NCOA7: variants seen among roughly 807,000 people sequenced by gnomAD.
NCOA7 encodes the protein 140 kDa estrogen receptor-associated protein.
In NCOA7, 45 loss-of-function variants were observed where a neutral mutation model predicts 104.3. The ratio of observed to expected loss-of-function variants is 0.43; its 90% confidence interval spans 0.34 to 0.55. NCOA7 has a LOEUF of 0.55. Ranked by LOEUF, NCOA7 falls within the 20% of genes least tolerant of loss-of-function variation. NCOA7 has a pLI of 0.02. For synonymous variants in NCOA7, 398 were observed against 402.3 expected, an observed-to-expected ratio of 0.99 and a Z score of 0.13; for missense variants, 1,041 against 1,119.7, an observed-to-expected ratio of 0.93 and a Z score of 1.00.
At chr6:125,866,598 G>A (rs895128113) in intron 3 of NCOA7, among the ~76,000 whole-genome samples, 3 of 152,140 alleles carry the variant, frequency 2.0e-5, no homozygotes, top group African/African-American at 7.2e-5. Flanking sequence ...CTGTCTTTAA[G>A]TTACTTCCCC....
intron 2 of NCOA7, chr6:125,818,730 C>G (rs1303138084): frequency 6.6e-6 from 1 of 152,180 alleles, no homozygotes; most frequent in African/African-American, 2.4e-5. Context: ...CAGAAAAGAG[C>G]CATCCAAAGT....
At chr6:125,914,660 A>G (rs910564280) in intron 10 of NCOA7, among the ~76,000 whole-genome samples, 7 of 152,160 alleles carry the variant, frequency 4.6e-5, no homozygotes, top group African/African-American at 1.7e-4. Context: ...CTTGGAGGAT[A>G]TTTCAGGAGC....
At chr6:125,924,500 C>A (rs1383724318) in intron 13 of NCOA7, among the ~76,000 whole-genome samples, 1 of 152,160 alleles carries the variant, frequency 6.6e-6, no homozygotes. Context: ...TAGAACAACA[C>A]CTGCAAATGT....
intron 1 of NCOA7, among the ~76,000 whole-genome samples, chr6:125,806,841 G>A (rs569089924): frequency 8.5e-5 from 13 of 152,296 alleles, no homozygotes; most frequent in Admixed American, 4.6e-4. Flanking sequence ...GCATCATGAT[G>A]ATTTTATAAA....
intron 10 of NCOA7, 106 bp downstream of exon 10, chr6:125,890,916 A>G: frequency 2.7e-6 from 3 of 1,097,736 alleles, no homozygotes; most frequent in Non-Finnish European, 3.7e-6. Context: ...TAAGAGCTTT[A>G]TCTGAATTGT....
In NCOA7 at chr6:125,855,209, G is replaced by T; in HGVS notation, c.240G>T (p.Arg80Ser). The change falls in exon 3 of 16, where the codon AGG (arginine) becomes AGT (serine). Residue 80 changes from arginine (R) to serine (S), a missense_variant. By Grantham distance (110) the Arg-to-Ser change is moderately radical. Coordinates refer to ENST00000392477, the MANE Select transcript of NCOA7 (RefSeq NM_181782.5). ...AAAGTAATCAGTTAAAGGAGATCAG[G>T]CGTACAGAACTAAAGAGATATTATA... ...KRKSNQLKEIRRTELKRYYSI... is the reference protein window; with the variant it reads ...KRKSNQLKEISRTELKRYYSI... The T allele has an allele frequency of 6.2e-7, 1 of 1,612,012 alleles. No individual in the cohort carries two copies. Among genetic ancestry groups the T allele is most frequent in the Non-Finnish European group, 8.5e-7 (1 of 1,179,526 alleles).
At chr6:125,843,625 A>C (rs1165725918) in intron 2 of NCOA7, among the ~76,000 whole-genome samples, 1 of 152,230 alleles carries the variant, frequency 6.6e-6, no homozygotes, top group Non-Finnish European at 1.5e-5. Flanking sequence ...GTTGATAAGC[A>C]GTAAAATTCC....
chr6:125,788,698 AT>A (rs60048395), upstream of NCOA7, among the ~76,000 whole-genome samples: 1,416 of 121,866 alleles, frequency 0.012, 16 homozygotes, highest in African/African-American at 0.013. Flanking sequence ...CACCCAGCTA[AT>A]TTTTTTTTTT....
At chr6:125,839,318 A>G (rs529521805) in intron 2 of NCOA7, among the ~76,000 whole-genome samples, 46 of 152,216 alleles carry the variant, frequency 3.0e-4, no homozygotes, top group South Asian at 2.3e-3. Flanking sequence ...GGGTTTCACC[A>G]TTTTGGCTAG....
chr6:125,924,124 G>A (rs1416176956), intron 13 of NCOA7, among the ~76,000 whole-genome samples: 5 of 152,178 alleles, frequency 3.3e-5, no homozygotes, highest in Non-Finnish European at 7.3e-5. Flanking sequence ...TTAGTGAAAT[G>A]TTCCAGAATT....
intron 2 of NCOA7, among the ~76,000 whole-genome samples, chr6:125,839,442 C>G (rs1273506256): frequency 6.6e-6 from 1 of 151,108 alleles, no homozygotes; most frequent in Non-Finnish European, 1.5e-5. Context: ...TTAACTCTAT[C>G]TGCTGTCCCC....
chr6:125,902,204 A>G (rs1435268814), intron 10 of NCOA7, among the ~76,000 whole-genome samples: 1 of 152,190 alleles, frequency 6.6e-6, no homozygotes, highest in Admixed American at 6.5e-5. Context: ...TTTTTTACCT[A>G]GTATTTCTCT....
At chr6:125,921,332 C>A (rs187152871) in intron 12 of NCOA7, among the ~76,000 whole-genome samples, 82 of 152,192 alleles carry the variant, frequency 5.4e-4, no homozygotes, top group Middle Eastern at 6.8e-3. Flanking sequence ...ATTGCTTGAG[C>A]CTGGGAGGTG....
At chr6:125,893,171 T>C (rs1784753883) in intron 10 of NCOA7, among the ~76,000 whole-genome samples, 1 of 152,194 alleles carries the variant, frequency 6.6e-6, no homozygotes, top group African/African-American at 2.4e-5. Flanking sequence ...AAACTGGATG[T>C]TTCTACTTGC....
chr6:125,923,029 C>T (rs1232567866), intron 13 of NCOA7, among the ~76,000 whole-genome samples, 195 bp downstream of exon 13: 1 of 152,088 alleles, frequency 6.6e-6, no homozygotes, highest in Admixed American at 6.5e-5. Flanking sequence ...GCATTTCACC[C>T]CTACATATTT....
chr6:125,881,145 C>G lies in NCOA7; in HGVS notation c.515C>G (p.Ser172Cys). 2 of 1,614,010 alleles carry G rather than the reference C, an allele frequency of 1.2e-6. No individual in the cohort carries two copies. The highest frequency in any genetic ancestry group is 1.7e-6 in the Non-Finnish European group (2 of 1,179,926). The change falls in exon 6 of 16, where the codon TCC (serine) becomes TGC (cysteine). Residue 172 changes from serine to cysteine, a missense_variant. Physicochemically the swap from Ser to Cys is moderately radical, Grantham distance 112. This residue lies in a region of NCOA7 where 914 missense variants were observed against 942.7 expected (regional missense o/e 0.97). Coordinates refer to ENST00000392477, the MANE Select transcript of NCOA7 (RefSeq NM_181782.5). ...SPSSTLRLSSSSPGATVSPSS... is the reference protein window; with the variant it reads ...SPSSTLRLSSCSPGATVSPSS... ...TCCAGTACCTTAAGGCTATCATCAT[C>G]CAGTCCTGGTGCTACTGTCTCTCCT...
intron 2 of NCOA7, among the ~76,000 whole-genome samples, chr6:125,824,541 T>C (rs1484842550): frequency 1.3e-5 from 2 of 152,170 alleles, no homozygotes; most frequent in Non-Finnish European, 2.9e-5. Context: ...ATATAAAAGC[T>C]TGCTCCCTAA....
intron 2 of NCOA7, among the ~76,000 whole-genome samples, chr6:125,825,429 G>A (rs551549305): frequency 3.9e-5 from 6 of 152,264 alleles, no homozygotes; most frequent in African/African-American, 1.4e-4. Flanking sequence ...CACTGTCATG[G>A]ATAATTTGAG....
At chr6:125,927,488 G>T (rs1583570173) in intron 13 of NCOA7, among the ~76,000 whole-genome samples, 175 bp from the exon 14 acceptor site, 1 of 152,326 alleles carries the variant, frequency 6.6e-6, no homozygotes, top group East Asian at 1.9e-4. Flanking sequence ...TCCAGTTAGA[G>T]CTGGGGATAT....
Sources: gnomAD v4.1 joint callset for allele counts (sites outside exome capture counted in the v4.1 genomes callset) on GRCh38, gnomAD v4.1.1 for gene constraint, gnomAD v4.1.1 regional missense constraint, MANE v1.5 for transcripts, NCBI Gene and HGNC (gene_info 2026-07-23, HGNC 2026-07-21) for gene names.